Variants in IFT140 observed in about 807,000 individuals in gnomAD.
IFT140 encodes intraflagellar transport protein 140 homolog.
IFT140 carries 133 observed loss-of-function variants against 164.6 expected under a neutral mutation model. The ratio of observed to expected loss-of-function variants is 0.81; its 90% CI spans 0.70 to 0.93. The LOEUF is 0.93. Ranked by LOEUF, IFT140 falls within the 40% of genes least tolerant of loss-of-function variation. IFT140 has a pLI of 0.00. For missense variants in IFT140, 2,045 were observed against 1,972.3 expected (o/e 1.04, Z -0.70); for synonymous variants, 860 against 817.3 (o/e 1.05, Z -0.89).
Position 1,524,616 on chromosome 16 carries a change from ACCT to A in IFT140, c.3074_3076del (p.Glu1025del). ...GGTGTAGAAGTGCACCGCCTGCCCG[ACCT>A]CCTCCTGGCTCTCGTACTGGCGGGC... is the stretch of plus-strand genomic sequence containing the variant. On this transcript the variant is annotated inframe_deletion, in exon 24 of 31. Transcript: ENST00000426508. 1 of 1,602,738 alleles carries A rather than the reference ACCT, an allele frequency of 6.2e-7. No homozygotes were observed. Among genetic ancestry groups the A allele is most frequent in the Non-Finnish European group, 8.5e-7 (1 of 1,172,834 alleles).
At chr16:1,513,885 A>C (rs74430146) in intron 30 of IFT140, among the ~76,000 whole-genome samples, 3 of 136,768 alleles carry the variant, frequency 2.2e-5, no homozygotes, top group East Asian at 2.7e-4. Context: ...GTGTTAGCCA[A>C]GATGGTCTCC....
intron 12 of IFT140, among the ~76,000 whole-genome samples, chr16:1,582,063 G>T (rs2034600948): frequency 6.6e-6 from 1 of 152,140 alleles, no homozygotes; most frequent in Non-Finnish European, 1.5e-5. Context: ...CGGCTGAGGG[G>T]CAGGGTTGGT....
At chr16:1,561,787 C>T (rs2033422185) in intron 18 of IFT140, among the ~76,000 whole-genome samples, 198 bp downstream of exon 18, 1 of 152,200 alleles carries the variant, frequency 6.6e-6, no homozygotes. Context: ...ACTTCCAATT[C>T]TCCCCAGACA....
rs138109827 is a variant in IFT140, at chr16:1,607,502, C to T, written c.-31-205G>A. Among the ~76,000 whole-genome samples, 125 of 152,256 alleles carry T rather than the reference C, an allele frequency of 8.2e-4. No individual in the cohort carries two copies. The highest frequency in any genetic ancestry group is 2.7e-3 in the African/African-American group (113 of 41,548). On this transcript the variant is annotated intron_variant, in intron 2 of 30. Coordinates refer to ENST00000426508, the MANE Select transcript of IFT140 (RefSeq NM_014714.4). The stretch of plus-strand genomic sequence containing the variant: ...CATGCAGAAGAGAAGCAGTTAGACC[C>T]GGAATCACCCAGGCTGTGACAGAAA...
At chr16:1,583,444 C>T (rs1255872803) in intron 11 of IFT140, 58 bp from the exon 12 acceptor site, 1 of 1,375,456 alleles carries the variant, frequency 7.3e-7, no homozygotes, top group Non-Finnish European at 1.0e-6. Flanking sequence ...TGCAACTGTA[C>T]ACCCCACTGC....
intron 30 of IFT140, among the ~76,000 whole-genome samples, chr16:1,511,960 G>A (rs1282294501): frequency 6.6e-6 from 1 of 151,660 alleles, no homozygotes; most frequent in East Asian, 1.9e-4. Context: ...GGAAGGAGCT[G>A]ACCAGGGTCG....
chr16:1,600,641 A>T (rs2035746876), intron 4 of IFT140, among the ~76,000 whole-genome samples: 1 of 152,180 alleles, frequency 6.6e-6, no homozygotes, highest in African/African-American at 2.4e-5. Context: ...AAGGAAGTTT[A>T]CTGTTTACCC....
intron 12 of IFT140, 148 bp downstream of exon 12, chr16:1,583,166 C>T (rs2034669091): frequency 2.7e-6 from 2 of 742,786 alleles, no homozygotes; most frequent in South Asian, 3.0e-5. Flanking sequence ...ACAGCTGCAG[C>T]CCTGGCTCTG....
At chr16:1,526,984 T>C (rs772131331) in intron 19 of IFT140, 188 bp from the exon 20 acceptor site, 5 of 590,962 alleles carry the variant, frequency 8.5e-6, no homozygotes, top group Non-Finnish European at 1.4e-5. Flanking sequence ...CCGTCACGAG[T>C]CCCACGGCCT....
intron 19 of IFT140, among the ~76,000 whole-genome samples, chr16:1,538,712 C>T (rs1418127862): frequency 6.6e-6 from 1 of 152,202 alleles, no homozygotes; most frequent in Non-Finnish European, 1.5e-5. Context: ...CAGCACCGTG[C>T]CACAGATCCT....
Position 1,541,653 on chromosome 16 carries a change from T to C in IFT140, c.2400-14857A>G, listed in dbSNP as rs533472364. On this transcript the variant is annotated intron_variant, in intron 19 of 30. Transcript: ENST00000426508. ...TCTCAGGAAGACAGAAATAGCAGAG[T>C]AGGGCCCGTCCCTGCAGGGATACGA... 1.4e-3 allele frequency: 471 copies of C among 335,340 alleles called. 2 individuals are homozygous for C. Among genetic ancestry groups the C allele is most frequent in the Non-Finnish European group, 1.8e-3 (424 of 236,162 alleles). The allele number at this position is 335,340 out of a possible 1,614,324, so 20.8% of individuals were successfully genotyped here.
At chr16:1,608,404 A>G (rs1386703138) in intron 2 of IFT140, among the ~76,000 whole-genome samples, 1 of 151,906 alleles carries the variant, frequency 6.6e-6, no homozygotes, top group African/African-American at 2.4e-5. Context: ...CGAGGTGGGC[A>G]GATTGCCTGA....
Position 1,592,463 on chromosome 16 carries a change from TTACTCGCCAG to T in IFT140, c.485_491+3del. 6.2e-7 allele frequency: 1 copy of T among 1,614,024 alleles called. No individual in the cohort carries two copies. Among genetic ancestry groups the T allele is most frequent in the South Asian group, 1.1e-5 (1 of 91,066 alleles). On this transcript the variant is annotated splice_donor_variant and splice_donor_region_variant and coding_sequence_variant and intron_variant, in exon 5 of 31. Coordinates refer to ENST00000426508, the MANE Select transcript of IFT140 (RefSeq NM_014714.4). LOFTEE classifies it high-confidence loss of function. ...ACAGGTCACAGGGCAAGCCCCACAC[TTACTCGCCAG>T]GAGGGGGGAGCCGGAAGATGCAGTG...
chr16:1,554,919 CA>C (rs749159438), intron 19 of IFT140: 1 of 1,614,240 alleles, frequency 6.2e-7, no homozygotes, highest in East Asian at 2.2e-5. Context: ...GAACATTCTC[CA>C]CAAGAGGGAG....
chr16:1,547,966 G>A (rs998932467), intron 19 of IFT140, among the ~76,000 whole-genome samples: 1 of 152,210 alleles, frequency 6.6e-6, no homozygotes, highest in African/African-American at 2.4e-5. Flanking sequence ...GTGGGCCACT[G>A]CAATCAGCCT....
chr16:1,555,014 G>A (rs755201106), intron 19 of IFT140: 3 of 1,611,222 alleles, frequency 1.9e-6, no homozygotes, highest in Non-Finnish European at 2.5e-6. Flanking sequence ...ACTACGTGGA[G>A]TCACCATGCT....
Position 1,525,345 on chromosome 16 carries a change from G to C in IFT140, c.2769-19C>G, listed in dbSNP as rs1347047261. On this transcript the variant is annotated intron_variant, in intron 21 of 30. Coordinates refer to ENST00000426508, the MANE Select transcript of IFT140 (RefSeq NM_014714.4). ...CTCGTAGCTGTGAGAGAAGGAGACAGAGGTCCTCGTTCCCTCCCATCCCAG... is the reference window on the plus strand; with the variant it reads ...CTCGTAGCTGTGAGAGAAGGAGACACAGGTCCTCGTTCCCTCCCATCCCAG... The C allele has an allele frequency of 6.9e-6, 11 of 1,592,462 alleles. No homozygotes were observed. Among genetic ancestry groups the C allele is most frequent in the African/African-American group, 1.3e-5 (1 of 74,644 alleles).
chr16:1,610,418 G>C (rs1195631223), intron 2 of IFT140: 1 of 151,414 alleles, frequency 6.6e-6, no homozygotes, highest in Non-Finnish European at 1.5e-5. Flanking sequence ...CCCAGCTACC[G>C]GAATCAGCCG....
intron 2 of IFT140, among the ~76,000 whole-genome samples, chr16:1,608,922 G>A (rs1300375480): frequency 3.3e-5 from 5 of 152,176 alleles, no homozygotes; most frequent in African/African-American, 9.6e-5. Context: ...TTGGGAGGCC[G>A]AGGCGGGTGG....
Sources: gnomAD v4.1 joint callset for allele counts (sites outside exome capture counted in the v4.1 genomes callset) on GRCh38, gnomAD v4.1.1 for gene constraint, MANE v1.5 for transcripts, NCBI Gene and HGNC (gene_info 2026-07-23, HGNC 2026-07-21) for gene names.